Variants in FUT8 observed in about 807,000 individuals in gnomAD.
FUT8 encodes the protein alpha-(1,6)-fucosyltransferase.
FUT8 carries 29 observed loss-of-function variants against 71.3 expected under a neutral mutation model. The observed-to-expected ratio is 0.41, with a 90% CI of 0.30 to 0.55. The LOEUF (loss-of-function observed/expected upper bound fraction) is 0.55. Ranked by LOEUF, FUT8 falls within the 20% of genes least tolerant of loss-of-function variation. The pLI is 0.34. For synonymous variants in FUT8, 254 were observed against 239.3 expected, an observed-to-expected ratio of 1.06 and a Z score of -0.57; for missense variants, 544 against 702.1, an observed-to-expected ratio of 0.77 and a Z score of 2.55.
intron 1 of FUT8, among the ~76,000 whole-genome samples, chr14:65,415,621 A>T (rs1015248722): frequency 6.6e-5 from 10 of 151,930 alleles, no homozygotes; most frequent in African/African-American, 1.9e-4. Flanking sequence ...GTAGAATCTT[A>T]TATGGGCGAA....
At chr14:65,490,842 A>G (rs577008381) in intron 2 of FUT8, among the ~76,000 whole-genome samples, 4 of 152,208 alleles carry the variant, frequency 2.6e-5, no homozygotes, top group South Asian at 2.1e-4. Context: ...GTTAATTACC[A>G]TTTCTTTTGC....
rs1290451217 is a variant in FUT8, at chr14:65,669,260, C to T, written c.615C>T (p.Ser205=). ...CCTGACAGAATCCCAAGGACTGCAG[C>T]AAAGCCAAAAAGCTGGTGTGTAATA... ...ITYLQNPKDC[S]KAKKLVCNIN... is the part of the protein sequence containing the mutation. Residue 205 remains serine, a synonymous_variant, in exon 7 of 11, where the codon AGC becomes AGT. Transcript: ENST00000673929. This position sits in a 1 kb window ranked among gnomAD's most constrained non-coding sequence, Gnocchi z 4.5. 1 of 1,613,482 alleles carries T rather than the reference C, an allele frequency of 6.2e-7. No homozygotes were observed. Among genetic ancestry groups the T allele is most frequent in the Non-Finnish European group, 8.5e-7 (1 of 1,179,776 alleles).
chr14:65,439,954 G>GTGTACATATATATATATATATATATATA, intron 1 of FUT8, among the ~76,000 whole-genome samples: 1 of 74,984 alleles, frequency 1.3e-5, no homozygotes, highest in Non-Finnish European at 2.5e-5. Flanking sequence ...GTGTGTGTGT[G>GTGTACATATATATATATATATATATATA]TATATATATA....
In FUT8 at chr14:65,682,755, T is replaced by TGC. The variant is rs575205055; in HGVS notation, c.835+13276_835+13277dup. Among the ~76,000 whole-genome samples the TGC allele has an allele frequency of 2.1e-4, 32 of 152,290 alleles. No homozygotes were observed. The South Asian group carries it at 6.2e-3, about 30-fold the overall frequency. On this transcript the variant is annotated intron_variant, in intron 7 of 10. Transcript: ENST00000673929. ...TTATTTGCTGAATTATGTAGAAGAG[T>TGC]GCATCAAAACATCTGCTTCTTAGTT...
chr14:65,476,902 G>A (rs1486028837), intron 2 of FUT8, among the ~76,000 whole-genome samples: 1 of 152,042 alleles, frequency 6.6e-6, no homozygotes, highest in Non-Finnish European at 1.5e-5. Flanking sequence ...AATTCTTTAT[G>A]CATAAACTTC....
At chr14:65,556,873 G>C (rs1594766756) in intron 2 of FUT8, among the ~76,000 whole-genome samples, 1 of 152,150 alleles carries the variant, frequency 6.6e-6, no homozygotes, top group South Asian at 2.1e-4. Context: ...GTATTCTCTG[G>C]GAGAGGTGGT....
chr14:65,724,157 A>G lies in FUT8; in HGVS notation c.1093A>G (p.Arg365Gly). 1 of 1,594,438 alleles carries G rather than the reference A, an allele frequency of 6.3e-7. No individual in the cohort carries two copies. The highest frequency in any genetic ancestry group is 8.5e-7 in the Non-Finnish European group (1 of 1,172,750). The change falls in exon 9 of 11, where the codon AGA (arginine) becomes GGA (glycine). Residue 365 changes from arginine to glycine, a missense_variant. Arg to Gly is a moderately radical substitution (Grantham distance 125, BLOSUM62 -2). Transcript: ENST00000673929. The stretch of plus-strand genomic sequence containing the variant: ...GAATTTCTCCCCCAGAGTCCATGTC[A>G]GACGCACAGACAAAGTGGGAACAGA... ...FKHPVIGVHVRRTDKVGTEAA... is the reference protein window; with the variant it reads ...FKHPVIGVHVGRTDKVGTEAA...
intron 3 of FUT8, among the ~76,000 whole-genome samples, chr14:65,602,535 C>T (rs1469716518): frequency 6.6e-6 from 1 of 151,256 alleles, no homozygotes; most frequent in African/African-American, 2.4e-5. Flanking sequence ...AGTAAATAAC[C>T]AGTAGTGGGA....
At chr14:65,543,457 T>G (rs2139971699) in intron 2 of FUT8, among the ~76,000 whole-genome samples, 1 of 152,324 alleles carries the variant, frequency 6.6e-6, no homozygotes, top group African/African-American at 2.4e-5. Context: ...CTTGCTCTAC[T>G]GATACATACC....
chr14:65,414,375 T>C (rs1216183512), intron 1 of FUT8, among the ~76,000 whole-genome samples: 2 of 152,206 alleles, frequency 1.3e-5, no homozygotes, highest in East Asian at 3.8e-4. Flanking sequence ...AGGTGCATCA[T>C]ATAGAAAGTA....
At chr14:65,540,644 T>C (rs1884623143) in intron 2 of FUT8, among the ~76,000 whole-genome samples, 1 of 152,244 alleles carries the variant, frequency 6.6e-6, no homozygotes, top group Non-Finnish European at 1.5e-5. Flanking sequence ...AAGCTATTGC[T>C]ATGTTGAGAT....
chr14:65,526,881 A>C (rs1333800363), intron 2 of FUT8, among the ~76,000 whole-genome samples: 6 of 152,226 alleles, frequency 3.9e-5, no homozygotes, highest in Non-Finnish European at 8.8e-5. Context: ...AAGAATTTTG[A>C]ATATTGGCCC....
At chr14:65,455,370 T>C (rs1012230983) in intron 1 of FUT8, among the ~76,000 whole-genome samples, 1 of 152,208 alleles carries the variant, frequency 6.6e-6, no homozygotes, top group Non-Finnish European at 1.5e-5. Context: ...CGCTAACTTA[T>C]TGTAAGTTGA....
chr14:65,549,700 A>G (rs548374177), intron 2 of FUT8, among the ~76,000 whole-genome samples: 1 of 152,330 alleles, frequency 6.6e-6, no homozygotes, highest in African/African-American at 2.4e-5. Flanking sequence ...TATCATTTGA[A>G]CGGTTTTTTG....
At chr14:65,579,767 C>T (rs1464988821) in intron 3 of FUT8, among the ~76,000 whole-genome samples, 1 of 152,066 alleles carries the variant, frequency 6.6e-6, no homozygotes, top group African/African-American at 2.4e-5. Context: ...GTGCAGTTGT[C>T]CACACAAGGT....
chr14:65,378,688 G>A, the FUT8 span, among the ~76,000 whole-genome samples: 1 of 151,934 alleles, frequency 6.6e-6, no homozygotes, highest in Non-Finnish European at 1.5e-5. Flanking sequence ...ATACTTCCAG[G>A]ACTATAGGTG....
chr14:65,370,374 A>AT, the FUT8 span, among the ~76,000 whole-genome samples: 17 of 151,368 alleles, frequency 1.1e-4, no homozygotes, highest in Non-Finnish European at 2.2e-4. Flanking sequence ...GGCCCGGCTA[A>AT]TTTTTTGTAT....
At chr14:65,700,285 A>G (rs1894215476) in intron 7 of FUT8, among the ~76,000 whole-genome samples, 1 of 150,960 alleles carries the variant, frequency 6.6e-6, no homozygotes, top group Admixed American at 6.6e-5. Context: ...TCTGACTTTC[A>G]TATTCTGTTG....
At position 65,488,925 on chromosome 14, in the gene FUT8, T is replaced by G. The variant is rs74056795; in HGVS notation, c.-228+33207T>G. On this transcript the variant is annotated intron_variant, in intron 2 of 10. Coordinates refer to ENST00000673929, the MANE Select transcript of FUT8 (RefSeq NM_001371533.1). ...TCGACCTTGTACTTTTTGAACCAACTTGAATAGAAAAAAAACAACCTGAAG... is the reference window on the plus strand; with the variant it reads ...TCGACCTTGTACTTTTTGAACCAACGTGAATAGAAAAAAAACAACCTGAAG... Among the ~76,000 whole-genome samples, 1,500 of 150,946 alleles carry G rather than the reference T, an allele frequency of 9.9e-3. 18 individuals are homozygous for G. The highest frequency in any genetic ancestry group is 0.031 in the African/African-American group (1,278 of 40,818).
Sources: allele counts gnomAD v4.1 joint callset (sites outside exome capture counted in the v4.1 genomes callset), GRCh38; gene constraint gnomAD v4.1.1; non-coding constraint Gnocchi (gnomAD v3.1); transcripts MANE v1.5; gene names NCBI Gene and HGNC (gene_info 2026-07-23, HGNC 2026-07-21).